Variants in ABCA13 observed in about 807,000 individuals in gnomAD.
ABCA13 encodes ATP binding cassette subfamily A member 13, also known as ATP-binding cassette sub-family A member 13.
In ABCA13, 476 loss-of-function variants were observed where a neutral mutation model predicts 478.7. The observed-to-expected ratio is 0.99, with a 90% CI of 0.92 to 1.07. The LOEUF (loss-of-function observed/expected upper bound fraction) is 1.07. Ranked by LOEUF, ABCA13 falls within the 50% of genes least tolerant of loss-of-function variation. ABCA13 has a pLI of 0.00. For synonymous variants in ABCA13, 2,252 were observed against 2,158.9 expected, an observed-to-expected ratio of 1.04 and a Z score of -1.20; for missense variants, 6,060 against 5,910.6, an observed-to-expected ratio of 1.03 and a Z score of -0.83.
chr7:48,629,575 C>CCA (rs1793979207), intron 59 of ABCA13, among the ~76,000 whole-genome samples: 1 of 66,958 alleles, frequency 1.5e-5, no homozygotes, highest in South Asian at 9.3e-4. Context: ...TACATTTTGG[C>CCA]AAAAAAAAAA....
intron 55 of ABCA13, among the ~76,000 whole-genome samples, chr7:48,560,620 T>C (rs1786360082): frequency 6.6e-6 from 1 of 152,188 alleles, no homozygotes; most frequent in Non-Finnish European, 1.5e-5. Flanking sequence ...ACCTCTATTG[T>C]GATTTTTGAT....
intron 35 of ABCA13, among the ~76,000 whole-genome samples, chr7:48,381,637 T>C (rs1017242631): frequency 7.9e-5 from 12 of 152,142 alleles, no homozygotes; most frequent in Middle Eastern, 3.2e-3. Flanking sequence ...TTGCATAAAC[T>C]CTTTTTATAT....
At chr7:48,620,612 A>G (rs1793043638) in intron 59 of ABCA13, among the ~76,000 whole-genome samples, 1 of 152,186 alleles carries the variant, frequency 6.6e-6, no homozygotes, top group Admixed American at 6.5e-5. Flanking sequence ...CCACTGTCTC[A>G]GCTGTTACTT....
intron 3 of ABCA13, among the ~76,000 whole-genome samples, chr7:48,212,698 A>G (rs1463065262): frequency 6.6e-6 from 1 of 152,160 alleles, no homozygotes; most frequent in African/African-American, 2.4e-5. Flanking sequence ...GATGTTAAGC[A>G]TCTTTTTATG....
chr7:48,396,965 A>G (rs1178245628), intron 38 of ABCA13, among the ~76,000 whole-genome samples: 1 of 152,220 alleles, frequency 6.6e-6, no homozygotes, highest in Non-Finnish European at 1.5e-5. Context: ...TGGAGATACG[A>G]AACAAAACAA....
Position 48,455,227 on chromosome 7 carries a change from G to T in ABCA13, c.12756G>T (p.Glu4252Asp). The change falls in exon 43 of 62, where the codon GAG becomes GAT. Residue 4252 changes from glutamate (E) to aspartate (D), a missense_variant. By Grantham distance (45) the Glu-to-Asp change is conservative. Around this residue, in one of 3 missense-constraint regions of ABCA13, gnomAD observed 1,627 missense variants for 1,571.0 expected, o/e 1.04. Coordinates refer to ENST00000435803, the MANE Select transcript of ABCA13 (RefSeq NM_152701.5). ...TCATGGTGAGACCCCTGGCCACCGA[G>T]TACCCTCCCCTCAGACTCACACCTG... ...GLFMVRPLATEYPPLRLTPGH... is the reference protein window; with the variant it reads ...GLFMVRPLATDYPPLRLTPGH... The T allele has an allele frequency of 6.2e-7, 1 of 1,603,706 alleles. No individual in the cohort carries two copies.
intron 3 of ABCA13, among the ~76,000 whole-genome samples, chr7:48,207,137 A>G (rs1785033028): frequency 1.3e-5 from 2 of 152,198 alleles, no homozygotes; most frequent in Admixed American, 1.3e-4. Context: ...GTTGCAAATG[A>G]CAGGATGTCA....
In ABCA13 at chr7:48,276,471, A is replaced by T; in HGVS notation, c.6805A>T (p.Lys2269Ter). 6.2e-7 allele frequency: 1 copy of T among 1,604,134 alleles called. No individual in the cohort carries two copies. Among genetic ancestry groups the T allele is most frequent in the Non-Finnish European group, 8.5e-7 (1 of 1,176,134 alleles). The change falls in exon 17 of 62, where the codon AAA (lysine) becomes TAA (stop). Residue 2269 changes from lysine to a stop codon, truncating the protein, a stop_gained. Transcript: ENST00000435803. LOFTEE classifies it high-confidence loss of function. Reference protein sequence around the residue: ...SIVDFTEQFLKTFFSLFLKED... With the variant: ...SIVDFTEQFL ...AGTAGATTTCACAGAACAGTTTTTG[A>T]AAACATTCTTCTCCCTTTTTCTAAA... is the stretch of plus-strand genomic sequence containing the variant.
intron 54 of ABCA13, among the ~76,000 whole-genome samples, chr7:48,526,864 T>G (rs75736191): frequency 0.01 from 1,545 of 152,290 alleles, 32 homozygotes; most frequent in African/African-American, 0.035. Flanking sequence ...ATCATAAGCA[T>G]GTACTATGTT....
In ABCA13 at chr7:48,471,520, T is replaced by C. The variant is rs1417234280; in HGVS notation, c.12906-10T>C. 7 of 1,552,136 alleles carry C rather than the reference T, an allele frequency of 4.5e-6. No homozygotes were observed. Among genetic ancestry groups the C allele is most frequent in the East Asian group, 2.4e-5 (1 of 41,528 alleles). Reference sequence around the variant, plus strand: ...AAAAGATCATTCCAATTCTCTCCTTTGTTTTTTAGGAAGAATTCTTCATGC... The same window carrying C: ...AAAAGATCATTCCAATTCTCTCCTTCGTTTTTTAGGAAGAATTCTTCATGC... On this transcript the variant is annotated splice_polypyrimidine_tract_variant and intron_variant, in intron 44 of 61. Transcript: ENST00000435803.
rs768560868 is a variant in ABCA13, at chr7:48,272,409, GA to G, written c.2745del (p.Ala916LeufsTer2). 1 of 1,613,770 alleles carries G rather than the reference GA, an allele frequency of 6.2e-7. No homozygotes were observed. The highest frequency in any genetic ancestry group is 1.1e-5 in the South Asian group (1 of 91,070). ...ATTTTTGGAGCAGGAACAGATCTCAGAAGCTCTGAACACAGTCTACGCTATC... is the reference window on the plus strand; with the variant it reads ...ATTTTTGGAGCAGGAACAGATCTCAGAGCTCTGAACACAGTCTACGCTATC... ...FGFLEQEQISEALNTVYAIRN... is the reference protein window; with the variant it reads ...FGFLEQEQISXALNTVYAIRN... On this transcript the variant is annotated frameshift_variant, in exon 17 of 62. Coordinates refer to ENST00000435803, the MANE Select transcript of ABCA13 (RefSeq NM_152701.5). LOFTEE classifies it high-confidence loss of function.
rs950401559 is a variant in ABCA13 at position 48,593,145 on chromosome 7, C to A, written c.14641-1565C>A. 4.0e-5 allele frequency among the ~76,000 whole-genome samples: 6 copies of A among 149,926 alleles called. No individual in the cohort carries two copies. In the East Asian group the frequency reaches 1.2e-3, roughly 30 times the overall value. Reference sequence around the variant, plus strand: ...CTGGCTATTTTTAAAGTTATTTATTCTTTTTTTTCCTCTATTACTGCTTTT... The same window carrying A: ...CTGGCTATTTTTAAAGTTATTTATTATTTTTTTTCCTCTATTACTGCTTTT... On this transcript the variant is annotated intron_variant, in intron 57 of 61. Coordinates refer to ENST00000435803, the MANE Select transcript of ABCA13 (RefSeq NM_152701.5).
intron 55 of ABCA13, among the ~76,000 whole-genome samples, chr7:48,573,793 T>C (rs1253605427): frequency 1.3e-5 from 2 of 151,938 alleles, no homozygotes; most frequent in African/African-American, 4.8e-5. Flanking sequence ...ACCAGGAAAA[T>C]TTATTCTCTC....
At chr7:48,330,486 T>TCCAG (rs200260491) in intron 27 of ABCA13, among the ~76,000 whole-genome samples, 6 of 15,580 alleles carry the variant, frequency 3.9e-4, no homozygotes, top group African/African-American at 1.2e-3. Flanking sequence ...CATCCATCCG[T>TCCAG]CCATCCATCC....
At chr7:48,548,875 C>T (rs1785059346) in intron 55 of ABCA13, among the ~76,000 whole-genome samples, 1 of 151,490 alleles carries the variant, frequency 6.6e-6, no homozygotes, top group Admixed American at 6.6e-5. Flanking sequence ...CCTGTCAGTG[C>T]CAGGCACAGG....
At chr7:48,384,951 T>C (rs1442174180) in intron 35 of ABCA13, among the ~76,000 whole-genome samples, 1 of 152,216 alleles carries the variant, frequency 6.6e-6, no homozygotes, top group African/African-American at 2.4e-5. Context: ...GGATTAGTCC[T>C]CGCTCTTGTG....
In ABCA13 at chr7:48,234,122, A is replaced by T. The variant is rs1321153331; in HGVS notation, c.868A>T (p.Ile290Phe). 1 of 1,613,842 alleles carries T rather than the reference A, an allele frequency of 6.2e-7. No homozygotes were observed. The highest frequency in any genetic ancestry group is 8.5e-7 in the Non-Finnish European group (1 of 1,179,864). The change falls in exon 8 of 62, where the codon ATC becomes TTC. Residue 290 changes from isoleucine to phenylalanine, a missense_variant. Physicochemically the swap from Ile to Phe is conservative, Grantham distance 21. Transcript: ENST00000435803. Reference protein sequence around the residue: ...FGFDDLHTEQILNSSAELKEI... With the variant: ...FGFDDLHTEQFLNSSAELKEI... The stretch of plus-strand genomic sequence containing the variant: ...CTTTGATGATCTTCACACGGAACAG[A>T]TCCTGAACTCTTCAGCTGAACTGAA...
rs191141705 is a variant in ABCA13, at chr7:48,534,962, C to T, written c.14354+6617C>T. ...AGTTAGAGTTCACCTTTCCCTGGCT[C>T]CTCCTTGGTTAGCTTAATAATTGAC... On this transcript the variant is annotated intron_variant, in intron 55 of 61. Transcript: ENST00000435803. Among the ~76,000 whole-genome samples, 351 of 152,266 alleles carry T rather than the reference C, an allele frequency of 2.3e-3. 2 individuals are homozygous for T. Among genetic ancestry groups the T allele is most frequent in the African/African-American group, 7.9e-3 (330 of 41,558 alleles).
At position 48,359,075 on chromosome 7, in the gene ABCA13, C is replaced by T. The variant is rs118184157; in HGVS notation, c.10688+6588C>T. 1.4e-4 allele frequency among the ~76,000 whole-genome samples: 21 copies of T among 152,026 alleles called. No homozygotes were observed. In the East Asian group the frequency reaches 1.5e-3, roughly 11 times the overall value. On this transcript the variant is annotated intron_variant, in intron 31 of 61. Transcript: ENST00000435803. ...CCAGTTTTGCGCCAGCTTTGGGTGTCGGTCTCCTCAGCTCATACGGGGTAT... is the reference window on the plus strand; with the variant it reads ...CCAGTTTTGCGCCAGCTTTGGGTGTTGGTCTCCTCAGCTCATACGGGGTAT...
Sources: gnomAD v4.1 joint callset for allele counts (sites outside exome capture counted in the v4.1 genomes callset) on GRCh38, gnomAD v4.1.1 for gene constraint, gnomAD v4.1.1 regional missense constraint, MANE v1.5 for transcripts, NCBI Gene and HGNC (gene_info 2026-07-23, HGNC 2026-07-21) for gene names.